PROSER3: variants seen among roughly 807,000 people sequenced by gnomAD.
PROSER3 encodes the protein proline and serine rich 3.
Under a neutral mutation model 50.2 loss-of-function variants are expected in PROSER3, and 33 were observed. The ratio of observed to expected loss-of-function variants is 0.66; its 90% CI spans 0.50 to 0.88. The LOEUF (loss-of-function observed/expected upper bound fraction) is 0.88. PROSER3 is among the 40% of genes least tolerant of loss of function. The pLI, the probability that PROSER3 is intolerant of heterozygous loss-of-function variation, is 0.00. For synonymous variants in PROSER3, 266 were observed against 259.3 expected (o/e 1.03, Z -0.25); for missense variants, 623 against 612.7 (o/e 1.02, Z -0.18).
rs375920305 is a variant in PROSER3 at position 35,768,417 on chromosome 19, C to T, written c.1315C>T (p.Arg439Ter). The change falls in exon 11 of 11, where the codon CGA becomes TGA. Residue 439 changes from arginine to a stop codon, truncating the protein, a stop_gained. Coordinates refer to ENST00000396908, the Ensembl canonical transcript of PROSER3. LOFTEE classifies it low-confidence loss of function (END_TRUNC). ...GCCTTTCTCCAGGGAAGCGGATGCC[C>T]GATTATCGTTCCTGTTGGACCAGGC... 9.3e-5 allele frequency: 148 copies of T among 1,596,868 alleles called. No homozygotes were observed. The African/African-American group carries it at 1.3e-3, about 14-fold the overall frequency.
chr19:35,760,425 A>G (rs179570), intron 3 of PROSER3, among the ~76,000 whole-genome samples: 86,196 of 152,028 alleles, frequency 0.57, 25,843 homozygotes, highest in African/African-American at 0.77. Context: ...ATTACAGGCC[A>G]GACGTACCAT....
rs557132741 is a variant in PROSER3, at chr19:35,762,057, G to A, written c.350G>A (p.Arg117Gln). The A allele has an allele frequency of 1.9e-5, 30 of 1,610,744 alleles. No homozygotes were observed. Among genetic ancestry groups the A allele is most frequent in the African/African-American group, 9.3e-5 (7 of 74,984 alleles). ...TTCCGCCAGGCTCAGCCCACCAGTC[G>A]AGAGGAGCGCCAGCCTGCAGGCCCA... Residue 117 changes from arginine (R) to glutamine (Q), a missense_variant, in exon 4 of 11, where the codon CGA becomes CAA. Around this residue, in one of 3 missense-constraint regions of PROSER3, gnomAD observed 236 missense variants for 243.6 expected, o/e 0.97. Coordinates refer to ENST00000396908, the Ensembl canonical transcript of PROSER3.
At chr19:35,767,963 G>C (rs533676251) in exon 9 of PROSER3, 2 of 1,609,122 alleles carry the variant, frequency 1.2e-6, no homozygotes, top group Admixed American at 3.3e-5. Flanking sequence ...AGCCTTCCAG[G>C]TGGGGTCTCC....
At chr19:35,758,830 G>C (rs961922997) in intron 1 of PROSER3, 2 of 153,344 alleles carry the variant, frequency 1.3e-5, no homozygotes, top group Non-Finnish European at 2.9e-5. Flanking sequence ...ACCGCGCCTG[G>C]CTAATTTTTT....
At chr19:35,766,692 G>T in intron 7 of PROSER3, 76 bp from the exon 8 acceptor site, 1 of 1,017,364 alleles carries the variant, frequency 9.8e-7, no homozygotes, top group South Asian at 1.6e-5. Context: ...GTTGGAGGGC[G>T]TGTGTGCAGG....
intron 3 of PROSER3, among the ~76,000 whole-genome samples, chr19:35,761,134 A>G (rs572949428): frequency 6.6e-6 from 1 of 152,288 alleles, no homozygotes; most frequent in East Asian, 1.9e-4. Flanking sequence ...AGCTTTCCAA[A>G]ATCACATTTC....
Position 35,766,951 on chromosome 19 carries a change from C to T in PROSER3, c.953C>T (p.Thr318Met), listed in dbSNP as rs776874109. ...CCGCCTCTGACCCCTGCCCTCCGCACGTTGGTGAGCCGAGGGAGGGAGGAG... is the reference window on the plus strand; with the variant it reads ...CCGCCTCTGACCCCTGCCCTCCGCATGTTGGTGAGCCGAGGGAGGGAGGAG... Residue 318 changes from threonine (T) to methionine (M), a missense_variant, in exon 8 of 11, where the codon ACG (threonine) becomes ATG (methionine). Thr to Met is a moderately conservative substitution (Grantham distance 81). Coordinates refer to ENST00000396908, the Ensembl canonical transcript of PROSER3. 1.9e-5 allele frequency: 30 copies of T among 1,549,090 alleles called. No homozygotes were observed. Among genetic ancestry groups the T allele is most frequent in the South Asian group, 4.8e-5 (4 of 84,014 alleles).
intron 8 of PROSER3, chr19:35,767,613 G>A (rs970395436): frequency 2.4e-5 from 16 of 674,198 alleles, no homozygotes; most frequent in Non-Finnish European, 4.0e-5. Flanking sequence ...GCTGGCCAGG[G>A]ACCTGGCCCT....
intron 8 of PROSER3, chr19:35,767,255 C>T (rs186426167): frequency 2.9e-4 from 108 of 366,368 alleles, no homozygotes; most frequent in African/African-American, 2.2e-3. Context: ...CTTCTGGGCC[C>T]CACAGTCTGG....
At chr19:35,758,674 T>TC (rs1471804111) in intron 1 of PROSER3, 1 of 164,994 alleles carries the variant, frequency 6.1e-6, no homozygotes, top group East Asian at 1.7e-4. Context: ...TTTCTTTCTT[T>TC]CTTTTTTTTT....
intron 3 of PROSER3, 83 bp downstream of exon 3, chr19:35,760,074 G>A (rs1200770504): frequency 7.4e-7 from 1 of 1,347,908 alleles, no homozygotes; most frequent in Non-Finnish European, 9.9e-7. Flanking sequence ...ATCATGGCCA[G>A]AGCTGTTTCT....
At chr19:35,760,850 TATA>T (rs1970933970) in intron 3 of PROSER3, among the ~76,000 whole-genome samples, 2 of 152,364 alleles carry the variant, frequency 1.3e-5, no homozygotes, top group African/African-American at 4.8e-5. Context: ...AGTTACTATA[TATA>T]ATGATCTCTA....
At chr19:35,768,031 T>C (rs2146634101) in exon 9 of PROSER3, 1 of 1,582,218 alleles carries the variant, frequency 6.3e-7, no homozygotes, top group Non-Finnish European at 8.6e-7. Context: ...AGGCCCTGCT[T>C]GCCCAGGCCG....
At position 35,766,824 on chromosome 19, in the gene PROSER3, TC is replaced by T. The variant is rs1208591966; in HGVS notation, c.829del (p.Gln277LysfsTer36). ...CACCCCTGCTCCAGCCCCAGCCTCC[TC>T]CCAAGCACCCCTTCGGCCAGAGGAT... On this transcript the variant is annotated frameshift_variant, in exon 8 of 11. Coordinates refer to ENST00000396908, the Ensembl canonical transcript of PROSER3. LOFTEE classifies it high-confidence loss of function. 1.3e-6 allele frequency: 2 copies of T among 1,550,666 alleles called. No homozygotes were observed. Among genetic ancestry groups the T allele is most frequent in the South Asian group, 2.4e-5 (2 of 83,932 alleles).
chr19:35,758,223 G>A lies in PROSER3; in HGVS notation c.8G>A (p.Arg3His). The change falls in exon 1 of 11, where the codon CGC (arginine) becomes CAC (histidine). Residue 3 changes from arginine (R) to histidine (H), a missense_variant. By Grantham distance (29) the Arg-to-His change is conservative. Coordinates refer to ENST00000396908, the Ensembl canonical transcript of PROSER3. ...CGCGGAGGGAGCCGCGGGATGGACC[G>A]CAGGTGAGGCCGATCGCTCTTCCAG... The A allele has an allele frequency of 3.2e-6, 5 of 1,562,336 alleles. No homozygotes were observed. In the South Asian group the frequency reaches 4.7e-5, roughly 15 times the overall value.
At position 35,768,151 on chromosome 19, in the gene PROSER3, C is replaced by T. The variant is rs1971233913; in HGVS notation, c.1220-4C>T. Reference sequence around the variant, plus strand: ...TGGAGCTCATTCTTTTCTCCCCGGCCCAGACTCCGACGGCAGCGAGTTCCA... The same window carrying T: ...TGGAGCTCATTCTTTTCTCCCCGGCTCAGACTCCGACGGCAGCGAGTTCCA... On this transcript the variant is annotated splice_polypyrimidine_tract_variant and splice_region_variant and intron_variant, in intron 9 of 10. Coordinates refer to ENST00000396908, the Ensembl canonical transcript of PROSER3. 1 of 1,612,846 alleles carries T rather than the reference C, an allele frequency of 6.2e-7. No individual in the cohort carries two copies. The highest frequency in any genetic ancestry group is 1.1e-5 in the South Asian group (1 of 90,908).
rs374829741 is a variant in PROSER3 at position 35,758,238 on chromosome 19, C to T, written c.11+12C>T. 4 of 1,562,222 alleles carry T rather than the reference C, an allele frequency of 2.6e-6. No homozygotes were observed. Among genetic ancestry groups the T allele is most frequent in the African/African-American group, 1.4e-5 (1 of 73,806 alleles). ...GGGATGGACCGCAGGTGAGGCCGAT[C>T]GCTCTTCCAGGGACTACAGGAGGCT... On this transcript the variant is annotated intron_variant, in intron 1 of 10. Transcript: ENST00000396908.
Position 35,758,277 on chromosome 19 carries a change from G to A in PROSER3, c.11+51G>A, listed in dbSNP as rs376371218. ...CTACAGGAGGCTGGGGAGGACCAAC[G>A]GCGAGAGCAGCACAGCCTAGGACGG... On this transcript the variant is annotated intron_variant, in intron 1 of 10. Coordinates refer to ENST00000396908, the Ensembl canonical transcript of PROSER3. The A allele has an allele frequency of 9.4e-5, 145 of 1,550,118 alleles. 1 individual carries two copies. In the African/African-American group the frequency reaches 1.9e-3, roughly 20 times the overall value.
downstream of PROSER3, chr19:35,769,664 T>C (rs11546665): frequency 0.098 from 14,905 of 151,974 alleles, 819 homozygotes; most frequent in East Asian, 0.18. Flanking sequence ...AACCTTAGAG[T>C]TGTCTTTGAC....
Sources: gnomAD v4.1 joint callset for allele counts (sites outside exome capture counted in the v4.1 genomes callset) on GRCh38, gnomAD v4.1.1 for gene constraint, gnomAD v4.1.1 regional missense constraint, MANE v1.5 for transcripts, NCBI Gene and HGNC (gene_info 2026-07-23, HGNC 2026-07-21) for gene names.